Variants in AGAP1 observed in about 807,000 individuals in gnomAD.
AGAP1 encodes arf-GAP with GTPase, ANK repeat and PH domain-containing protein 1.
Under a neutral mutation model 105.3 loss-of-function variants are expected in AGAP1, and 29 were observed. The ratio of observed to expected loss-of-function variants is 0.28; its 90% CI spans 0.21 to 0.38. The LOEUF is 0.38. Among genes scored for constraint, AGAP1 ranks in the 10% least tolerant of loss-of-function variants. AGAP1 has a pLI of 1.00. For missense variants in AGAP1, 998 were observed against 1,165.1 expected, an observed-to-expected ratio of 0.86 and a Z score of 2.09; for synonymous variants, 509 against 485.9, an observed-to-expected ratio of 1.05 and a Z score of -0.63.
intron 1 of AGAP1, among the ~76,000 whole-genome samples, chr2:235,676,337 C>T (rs1417772658): frequency 6.6e-6 from 1 of 152,204 alleles, no homozygotes; most frequent in Admixed American, 6.5e-5. Context: ...ACGTATCATT[C>T]CTCTGTGTAC....
chr2:235,597,252 G>T (rs947608008), intron 1 of AGAP1, among the ~76,000 whole-genome samples: 1 of 152,246 alleles, frequency 6.6e-6, no homozygotes, highest in Admixed American at 6.5e-5. Flanking sequence ...CACTGGAGGT[G>T]CTCAGGACGT....
At chr2:235,763,300 CA>C (rs56145835) in intron 6 of AGAP1, among the ~76,000 whole-genome samples, 6,386 of 140,800 alleles carry the variant, frequency 0.045, 469 homozygotes, top group African/African-American at 0.15. Context: ...AAATATTCCA[CA>C]AAAAAAAAAA....
rs1480762343 is a variant in AGAP1 at position 235,957,767 on chromosome 2, T to C, written c.1484-10695T>C. 1.3e-5 allele frequency among the ~76,000 whole-genome samples: 2 copies of C among 152,218 alleles called. No homozygotes were observed. The highest frequency in any genetic ancestry group is 2.9e-5 in the Non-Finnish European group (2 of 68,028). ...ATTAAAGATCCAAATTAGCTTTATA[T>C]CGTTGGCCGTGTATCAAAGGAAGTG... is the stretch of plus-strand genomic sequence containing the variant. On this transcript the variant is annotated intron_variant, in intron 12 of 17. Transcript: ENST00000304032. The surrounding 1 kb of genome is among the most constrained non-coding windows in gnomAD (Gnocchi z 4.6).
At chr2:236,088,079 G>A (rs945298167) in intron 16 of AGAP1, among the ~76,000 whole-genome samples, 5 of 152,178 alleles carry the variant, frequency 3.3e-5, no homozygotes, top group African/African-American at 1.2e-4. Context: ...GTTATTTCCA[G>A]AAAAGTGGGG....
intron 10 of AGAP1, among the ~76,000 whole-genome samples, chr2:235,885,298 T>C (rs937264663): frequency 6.6e-6 from 1 of 152,226 alleles, no homozygotes; most frequent in African/African-American, 2.4e-5. Flanking sequence ...CCATTTTTAA[T>C]GATTATATAA....
In AGAP1 at chr2:236,012,919, G is replaced by A. The variant is rs778284734; in HGVS notation, c.1646-23642G>A. 5.3e-5 allele frequency among the ~76,000 whole-genome samples: 8 copies of A among 152,128 alleles called. No individual in the cohort carries two copies. The highest frequency in any genetic ancestry group is 1.0e-4 in the Non-Finnish European group (7 of 68,028). Reference sequence around the variant, plus strand: ...GCCCCACCATGCACAGCTAATTTTTGTATTTTTAGTAGAGACGGTGTTTTG... The same window carrying A: ...GCCCCACCATGCACAGCTAATTTTTATATTTTTAGTAGAGACGGTGTTTTG... On this transcript the variant is annotated intron_variant, in intron 13 of 17. Transcript: ENST00000304032. This position sits in a 1 kb window ranked among gnomAD's most constrained non-coding sequence, Gnocchi z 4.9.
rs1287891044 is a variant in AGAP1, at chr2:235,755,611, T to A, written c.673+5123T>A. On this transcript the variant is annotated intron_variant, in intron 6 of 17. Coordinates refer to ENST00000304032, the MANE Select transcript of AGAP1 (RefSeq NM_001037131.3). ...GTGCGCCATCATGCCCAGCTACTTT[T>A]TGGCTATTTAGTAGAGACTGGTTTT... Among the ~76,000 whole-genome samples the A allele has an allele frequency of 2.6e-5, 4 of 152,224 alleles. No individual in the cohort carries two copies. The East Asian group carries it at 7.7e-4, about 29-fold the overall frequency.
chr2:235,499,388 G>T (rs183770640), intron 1 of AGAP1, among the ~76,000 whole-genome samples: 54 of 152,342 alleles, frequency 3.5e-4, no homozygotes, highest in Admixed American at 3.5e-3. Flanking sequence ...AGGTGTGCAT[G>T]TTTAGGGAAA....
chr2:235,669,482 C>G (rs1282364105), intron 1 of AGAP1: 2 of 153,916 alleles, frequency 1.3e-5, no homozygotes, highest in South Asian at 3.5e-4. Context: ...GGCGCTTGGG[C>G]CTGCACGCCG....
At chr2:235,686,666 T>TATA (rs1222184438) in intron 1 of AGAP1, among the ~76,000 whole-genome samples, 15 of 60,450 alleles carry the variant, frequency 2.5e-4, no homozygotes, top group African/African-American at 1.5e-3. Flanking sequence ...TATATATATA[T>TATA]TTTTTTTTTT....
intron 6 of AGAP1, among the ~76,000 whole-genome samples, chr2:235,797,475 A>G (rs1429174675): frequency 6.6e-6 from 1 of 151,462 alleles, no homozygotes; most frequent in Non-Finnish European, 1.5e-5. Context: ...GAGGCTCTCC[A>G]GGAAGATCCT....
rs149772875 is a variant in AGAP1 at position 235,807,263 on chromosome 2, A to C, written c.982A>C (p.Lys328Gln). The C allele has an allele frequency of 1.2e-3, 2,001 of 1,609,504 alleles. 4 individuals are homozygous for C. Among genetic ancestry groups the C allele is most frequent in the South Asian group, 1.6e-3 (141 of 90,520 alleles). ...GTCTCGGAAAGGGAGCGACCCAGAC[A>C]AAGAGAAGAAAGGCCTGGAGAGTCG... ...FTSRKGSDPD[K>Q]EKKGLESRAD... Residue 328 changes from lysine to glutamine, a missense_variant, in exon 9 of 18, where the codon AAA becomes CAA. Transcript: ENST00000304032.
intron 12 of AGAP1, among the ~76,000 whole-genome samples, chr2:235,956,177 A>G (rs1041051538): frequency 6.6e-6 from 1 of 152,150 alleles, no homozygotes; most frequent in Non-Finnish European, 1.5e-5. Flanking sequence ...TGATTATGTA[A>G]AAAGGGAAGA....
Position 235,750,416 on chromosome 2 carries a change from G to A in AGAP1, c.601G>A (p.Asp201Asn), listed in dbSNP as rs753030538. 48 of 1,614,054 alleles carry A rather than the reference G, an allele frequency of 3.0e-5. No homozygotes were observed. The highest frequency in any genetic ancestry group is 1.8e-4 in the East Asian group (8 of 44,892). The change falls in exon 6 of 18, where the codon GAC becomes AAC. Residue 201 changes from aspartate (D) to asparagine (N), a missense_variant. This residue lies in a region of AGAP1 where 735 missense variants were observed against 833.4 expected (regional missense o/e 0.88). Coordinates refer to ENST00000304032, the MANE Select transcript of AGAP1 (RefSeq NM_001037131.3). This position sits in a 1 kb window ranked among gnomAD's most constrained non-coding sequence, Gnocchi z 5.3. ...CGCCAGGGCGAGGAAGCTCTCCAAC[G>A]ACCTGAAACGGTGCACGTACTACGA... is the stretch of plus-strand genomic sequence containing the variant. ...DDARARKLSN[D>N]LKRCTYYETC...
At chr2:235,530,641 A>C (rs1435380988) in intron 1 of AGAP1, among the ~76,000 whole-genome samples, 1 of 150,492 alleles carries the variant, frequency 6.6e-6, no homozygotes, top group Non-Finnish European at 1.5e-5. Context: ...CTTCCATTCC[A>C]CTCCATCCTG....
chr2:235,776,629 C>G (rs909868571), intron 6 of AGAP1, among the ~76,000 whole-genome samples: 1 of 152,178 alleles, frequency 6.6e-6, no homozygotes, highest in African/African-American at 2.4e-5. Flanking sequence ...TGTGGCACCA[C>G]CTGTCCCAGT....
At position 235,875,913 on chromosome 2, in the gene AGAP1, ATTGT is replaced by A. The variant is rs1301049575; in HGVS notation, c.1051-7425_1051-7422del. On this transcript the variant is annotated intron_variant, in intron 9 of 17. Coordinates refer to ENST00000304032, the MANE Select transcript of AGAP1 (RefSeq NM_001037131.3). This position sits in a 1 kb window ranked among gnomAD's most constrained non-coding sequence, Gnocchi z 4.0. ...TTATTTCATTTTAAAAACTCAATGC[ATTGT>A]TTGTTTATATTTAACATGGATTCAT... Among the ~76,000 whole-genome samples, 2 of 152,204 alleles carry A rather than the reference ATTGT, an allele frequency of 1.3e-5. No individual in the cohort carries two copies. The highest frequency in any genetic ancestry group is 1.9e-4 in the East Asian group (1 of 5,198).
At chr2:236,022,535 C>G (rs983441561) in intron 13 of AGAP1, among the ~76,000 whole-genome samples, 1 of 152,154 alleles carries the variant, frequency 6.6e-6, no homozygotes, top group Non-Finnish European at 1.5e-5. Flanking sequence ...TGCCTACAGT[C>G]TTTGTCTTTT....
rs73996168 is a variant in AGAP1 at position 235,577,671 on chromosome 2, C to T, written c.163+82822C>T. 0.013 allele frequency among the ~76,000 whole-genome samples: 1,955 copies of T among 152,242 alleles called. 43 individuals carry two copies. The highest frequency in any genetic ancestry group is 0.044 in the African/African-American group (1,825 of 41,534). On this transcript the variant is annotated intron_variant, in intron 1 of 17. Transcript: ENST00000304032. This position sits in a 1 kb window ranked among gnomAD's most constrained non-coding sequence, Gnocchi z 4.5. ...GTTAACTCTGAGCATTCGGAACATTCGCCGAGTGGAACGTGTGTGTCGTCA... is the reference window on the plus strand; with the variant it reads ...GTTAACTCTGAGCATTCGGAACATTTGCCGAGTGGAACGTGTGTGTCGTCA...
Sources: allele counts gnomAD v4.1 joint callset (sites outside exome capture counted in the v4.1 genomes callset), GRCh38; gene constraint gnomAD v4.1.1; regional missense constraint gnomAD v4.1.1; non-coding constraint Gnocchi (gnomAD v3.1); transcripts MANE v1.5; gene names NCBI Gene and HGNC (gene_info 2026-07-23, HGNC 2026-07-21).